Variants in BTN3A3 observed in about 807,000 individuals in gnomAD.
The protein encoded by BTN3A3 is butyrophilin subfamily 3 member A3, also known as butyrophilin 3.
Under a neutral mutation model 43.2 loss-of-function variants are expected in BTN3A3, and 39 were observed. That is an observed-to-expected ratio of 0.90 (90% CI 0.70 to 1.18). The LOEUF (loss-of-function observed/expected upper bound fraction) is 1.18, where lower values mean the gene tolerates loss of function less well. Ranked by LOEUF, BTN3A3 falls within the 50% of genes most tolerant of loss-of-function variation. BTN3A3 has a pLI of 0.00. For missense variants in BTN3A3, 631 were observed against 722.8 expected (o/e 0.87, Z 1.46); for synonymous variants, 255 against 272.7 (o/e 0.93, Z 0.64).
chr6:26,448,383 C>T lies in BTN3A3; in HGVS notation c.851C>T (p.Thr284Ile), dbSNP rs1280790907. 6.2e-7 allele frequency: 1 copy of T among 1,613,816 alleles called. No individual in the cohort carries two copies. The highest frequency in any genetic ancestry group is 1.1e-5 in the South Asian group (1 of 91,062). ...QKEKIALSRETEREREMKEMG... is the reference protein window; with the variant it reads ...QKEKIALSREIEREREMKEMG... Reference sequence around the variant, plus strand: ...GAAAAAATTGCTCTGTCCAGGGAGACAGAAAGAGAGCGAGAGATGAAAGAA... The same window carrying T: ...GAAAAAATTGCTCTGTCCAGGGAGATAGAAAGAGAGCGAGAGATGAAAGAA... Residue 284 changes from threonine to isoleucine, a missense_variant, in exon 6 of 11, where the codon ACA becomes ATA. Physicochemically the swap from Thr to Ile is moderately conservative, Grantham distance 89. This residue lies in a region of BTN3A3 where 551 missense variants were observed against 584.0 expected (regional missense o/e 0.94). Transcript: ENST00000244519.
chr6:26,449,798 C>T, intron 9 of BTN3A3, 110 bp downstream of exon 9: 1 of 1,368,576 alleles, frequency 7.3e-7, no homozygotes, highest in East Asian at 2.3e-5. Context: ...TCAGATCTAA[C>T]CCTTAGACTC....
rs955008852 is a variant in BTN3A3 at position 26,446,331 on chromosome 6, G to A, written c.715+346G>A. Among the ~76,000 whole-genome samples, 5 of 152,104 alleles carry A rather than the reference G, an allele frequency of 3.3e-5. No homozygotes were observed. In the East Asian group the frequency reaches 7.7e-4, roughly 23 times the overall value. On this transcript the variant is annotated intron_variant, in intron 5 of 10. Coordinates refer to ENST00000244519, the MANE Select transcript of BTN3A3 (RefSeq NM_006994.5). ...ATATTTACAAACTCATAGAGAAAGA[G>A]CTAATCTTTTTGAAACAGAAGAGTT... is the stretch of plus-strand genomic sequence containing the variant.
rs374290687 is a variant in BTN3A3 at position 26,449,605 on chromosome 6, G to C, written c.965-57G>C. 1.4e-5 allele frequency: 22 copies of C among 1,598,240 alleles called. No homozygotes were observed. The African/African-American group carries it at 1.7e-4, about 13-fold the overall frequency. ...AGATGGATGCGAAAGGAAGTGGAAGGGGCCAACAGAGCAAAGGCAGTGTTC... is the reference window on the plus strand; with the variant it reads ...AGATGGATGCGAAAGGAAGTGGAAGCGGCCAACAGAGCAAAGGCAGTGTTC... On this transcript the variant is annotated intron_variant, in intron 8 of 10. Transcript: ENST00000244519.
At chr6:26,445,279 G>A in intron 4 of BTN3A3, 1 of 181,662 alleles carries the variant, frequency 5.5e-6, no homozygotes, top group South Asian at 1.2e-4. Context: ...ATGGCTTCTG[G>A]TTGGGTTTGG....
Position 26,444,488 on chromosome 6 carries a change from G to A in BTN3A3, c.433+184G>A. On this transcript the variant is annotated intron_variant, in intron 4 of 10. Transcript: ENST00000244519. ...CATTCTTTCTTTAGAAAGAATTCCTGCTGTACCTTACATGCCGAAGTAAAC... is the reference window on the plus strand; with the variant it reads ...CATTCTTTCTTTAGAAAGAATTCCTACTGTACCTTACATGCCGAAGTAAAC... The A allele has an allele frequency of 5.0e-6, 5 of 990,276 alleles. No individual in the cohort carries two copies. In the South Asian group the frequency reaches 6.7e-5, roughly 13 times the overall value. 61.3% of individuals were successfully genotyped at this position (990,276 alleles called of 1,614,324 possible). A position where few individuals can be genotyped will look rare whatever the true frequency, so the allele number is the denominator to read the frequency against.
rs570559136 is a variant in BTN3A3, at chr6:26,453,330, A to G, written c.*919A>G. On this transcript the variant is annotated 3_prime_UTR_variant, in exon 11 of 11. Coordinates refer to ENST00000244519, the MANE Select transcript of BTN3A3 (RefSeq NM_006994.5). Reference sequence around the variant, plus strand: ...GGGAAAACTGCTCCTCATTATCATCACTATTATTGCTCACCACTGTATCCC... The same window carrying G: ...GGGAAAACTGCTCCTCATTATCATCGCTATTATTGCTCACCACTGTATCCC... 42 of 152,242 alleles carry G rather than the reference A, an allele frequency of 2.8e-4. No homozygotes were observed. Among genetic ancestry groups the G allele is most frequent in the African/African-American group, 9.9e-4 (41 of 41,548 alleles). The allele number at this position is 152,242 out of a possible 1,614,324, so 9.4% of individuals were successfully genotyped here.
intron 10 of BTN3A3, 151 bp downstream of exon 10, chr6:26,450,284 C>A (rs1762894682): frequency 3.2e-6 from 3 of 932,870 alleles, no homozygotes; most frequent in East Asian, 2.6e-5. Context: ...GAAAAGTGGG[C>A]CCATCTCCAA....
chr6:26,444,660 G>A (rs956328685), intron 4 of BTN3A3: 18 of 416,894 alleles, frequency 4.3e-5, no homozygotes, highest in Admixed American at 1.1e-4. Flanking sequence ...CCAAGTGCAC[G>A]TTACCGTGGG....
At position 26,443,671 on chromosome 6, in the gene BTN3A3, T is replaced by C. The variant is rs370797996; in HGVS notation, c.85+12T>C. Reference sequence around the variant, plus strand: ...CACTCCTTGCTCAGGTAGGGAATGATTCCATGATTCCACATTTATGTTTCT... The same window carrying C: ...CACTCCTTGCTCAGGTAGGGAATGACTCCATGATTCCACATTTATGTTTCT... On this transcript the variant is annotated intron_variant, in intron 3 of 10. Transcript: ENST00000244519. 1 of 1,613,156 alleles carries C rather than the reference T, an allele frequency of 6.2e-7. No homozygotes were observed. The highest frequency in any genetic ancestry group is 8.5e-7 in the Non-Finnish European group (1 of 1,179,142).
rs781637547 is a variant in BTN3A3, at chr6:26,448,755, G to A, written c.964+1G>A. On this transcript the variant is annotated splice_donor_variant, in intron 8 of 10. Transcript: ENST00000244519. LOFTEE classifies it high-confidence loss of function. ...TGGAGGAAAATCCAGTACATGGCTC[G>A]TGAGTGACTCTGACATTTTCTCTGA... is the stretch of plus-strand genomic sequence containing the variant. 4.0e-5 allele frequency: 64 copies of A among 1,613,508 alleles called. No individual in the cohort carries two copies. The highest frequency in any genetic ancestry group is 3.1e-4 in the South Asian group (28 of 91,060).
chr6:26,447,489 A>G (rs185943790), intron 5 of BTN3A3, among the ~76,000 whole-genome samples: 53 of 152,240 alleles, frequency 3.5e-4, no homozygotes, highest in Non-Finnish European at 7.2e-4. Context: ...CAGCCTCCCA[A>G]GTAGTTGGGA....
intron 8 of BTN3A3, chr6:26,449,399 T>G: frequency 1.9e-6 from 1 of 529,932 alleles, no homozygotes. Context: ...GGTACAGGAG[T>G]ATAGACAGAT....
rs1581657072 is a variant in BTN3A3 at position 26,448,747 on chromosome 6, C to T, written c.957C>T (p.Tyr319=). 1 of 1,613,922 alleles carries T rather than the reference C, an allele frequency of 6.2e-7. No individual in the cohort carries two copies. Among genetic ancestry groups the T allele is most frequent in the Middle Eastern group, 1.6e-4 (1 of 6,062 alleles). The stretch of plus-strand genomic sequence containing the variant: ...TTGCAGAGTGGAGGAAAATCCAGTA[C>T]ATGGCTCGTGAGTGACTCTGACATT... ...QEELKWRKIQ[Y]MARGEKSLAY... is the part of the protein sequence containing the mutation. Residue 319 remains tyrosine, a synonymous_variant, in exon 8 of 11, where the codon TAC becomes TAT. Coordinates refer to ENST00000244519, the MANE Select transcript of BTN3A3 (RefSeq NM_006994.5).
chr6:26,449,867 C>A (rs1009984549), intron 9 of BTN3A3, among the ~76,000 whole-genome samples, 179 bp downstream of exon 9: 5 of 152,144 alleles, frequency 3.3e-5, no homozygotes, highest in African/African-American at 1.2e-4. Flanking sequence ...AGACTCCTGA[C>A]CCTGCACATG....
Position 26,449,667 on chromosome 6 carries a change from G to T in BTN3A3, c.970G>T (p.Glu324Ter), listed in dbSNP as rs138105205. Reference protein sequence around the residue: ...WRKIQYMARGEKSLAYHEWKM... With the variant: ...WRKIQYMARG ...CTATCTTTCTTTCATTGTAGGTGGA[G>T]AGAAGTCTTTGGCCTATCATGGTGA... The change falls in exon 9 of 11, where the codon GAG (glutamate) becomes TAG (stop). Residue 324 changes from glutamate (E) to a stop codon, truncating the protein, a stop_gained. Coordinates refer to ENST00000244519, the MANE Select transcript of BTN3A3 (RefSeq NM_006994.5). LOFTEE classifies it low-confidence loss of function (END_TRUNC). The T allele has an allele frequency of 1.9e-6, 3 of 1,614,118 alleles. No homozygotes were observed. Among genetic ancestry groups the T allele is most frequent in the Admixed American group, 1.7e-5 (1 of 60,006 alleles).
rs752520509 is a variant in BTN3A3, at chr6:26,452,336, TGG to T, written c.1681_1682del (p.Gly561SerfsTer2). On this transcript the variant is annotated frameshift_variant, in exon 11 of 11. Coordinates refer to ENST00000244519, the MANE Select transcript of BTN3A3 (RefSeq NM_006994.5). LOFTEE classifies it high-confidence loss of function. ...VTSLLLPAHP[G>X]AEVSPSATTN... ...CATCTCTGCTTCTCCCTGCCCACCC[TGG>T]AGCTGAGGTCTCCCCTTCTGCAACA... The T allele has an allele frequency of 6.2e-7, 1 of 1,612,246 alleles. No individual in the cohort carries two copies. Among genetic ancestry groups the T allele is most frequent in the Non-Finnish European group, 8.5e-7 (1 of 1,180,004 alleles).
chr6:26,442,377 T>C (rs1217203415), intron 1 of BTN3A3, among the ~76,000 whole-genome samples: 1 of 152,236 alleles, frequency 6.6e-6, no homozygotes, highest in East Asian at 1.9e-4. Flanking sequence ...GGCCAACGTG[T>C]TCTTTTGCTC....
chr6:26,440,815 T>C (rs60303752), intron 1 of BTN3A3, 167 bp downstream of exon 1: 19,621 of 139,202 alleles, frequency 0.14, 3,458 homozygotes, highest in African/African-American at 0.42. Context: ...TGTGTGTGTG[T>C]GCGTGTGTGC....
At chr6:26,447,838 T>A (rs868026176) in intron 5 of BTN3A3, among the ~76,000 whole-genome samples, 1 of 152,064 alleles carries the variant, frequency 6.6e-6, no homozygotes, top group East Asian at 1.9e-4. Context: ...GACTCCACAG[T>A]TTATGTCCCT....
Sources: allele counts gnomAD v4.1 joint callset (sites outside exome capture counted in the v4.1 genomes callset), GRCh38; gene constraint gnomAD v4.1.1; regional missense constraint gnomAD v4.1.1; transcripts MANE v1.5; gene names NCBI Gene and HGNC (gene_info 2026-07-23, HGNC 2026-07-21).